STIM2: variants seen among roughly 807,000 people sequenced by gnomAD.
STIM2 encodes stromal interaction molecule 2.
Under a neutral mutation model 85.8 loss-of-function variants are expected in STIM2, and 31 were observed. The observed-to-expected ratio is 0.36, with a 90% CI of 0.27 to 0.49. STIM2 has a LOEUF of 0.49. Ranked by LOEUF, STIM2 falls within the 20% of genes least tolerant of loss-of-function variation. The pLI is 0.98. For missense variants in STIM2, 841 were observed against 927.6 expected (o/e 0.91, Z 1.21); for synonymous variants, 356 against 331.1 (o/e 1.08, Z -0.82).
intron 1 of STIM2, among the ~76,000 whole-genome samples, chr4:26,906,431 A>AGTTT (rs532059402): frequency 6.7e-6 from 1 of 149,436 alleles, no homozygotes; most frequent in Non-Finnish European, 1.5e-5. Context: ...CCAAAATACA[A>AGTTT]GTTTGTTTGT....
chr4:26,936,146 A>G (rs1725384312), intron 2 of STIM2, among the ~76,000 whole-genome samples: 1 of 152,226 alleles, frequency 6.6e-6, no homozygotes, highest in African/African-American at 2.4e-5. Context: ...ACAGATTTTA[A>G]GAAAACATCT....
chr4:26,919,359 A>T, intron 1 of STIM2, 145 bp from the exon 2 acceptor site: 1 of 995,982 alleles, frequency 1.0e-6, no homozygotes, highest in South Asian at 1.5e-5. Flanking sequence ...TTTGATGTGA[A>T]GAATATTCTG....
chr4:26,984,974 A>G (rs1214132680), intron 3 of STIM2, among the ~76,000 whole-genome samples: 1 of 152,324 alleles, frequency 6.6e-6, no homozygotes, highest in Non-Finnish European at 1.5e-5. Context: ...ACAATTACTA[A>G]TATCCGAACT....
chr4:26,931,680 C>T (rs745521761), intron 2 of STIM2, among the ~76,000 whole-genome samples: 41 of 152,096 alleles, frequency 2.7e-4, no homozygotes, highest in Non-Finnish European at 5.1e-4. Flanking sequence ...TCTGAAAGAA[C>T]AAGCAGGGCA....
chr4:26,870,248 T>C (rs1722563737), intron 1 of STIM2, among the ~76,000 whole-genome samples: 1 of 151,710 alleles, frequency 6.6e-6, no homozygotes, highest in Admixed American at 6.6e-5. Context: ...TGTCATATAC[T>C]GTAATTGACA....
chr4:26,919,527 C>A lies in STIM2; in HGVS notation c.175C>A (p.Pro59Thr). The A allele has an allele frequency of 6.2e-7, 1 of 1,613,472 alleles. No individual in the cohort carries two copies. Among genetic ancestry groups the A allele is most frequent in the Non-Finnish European group, 8.5e-7 (1 of 1,179,678 alleles). The change falls in exon 2 of 12, where the codon CCA becomes ACA. Residue 59 changes from proline (P) to threonine (T), a missense_variant. Around this residue, in one of 3 missense-constraint regions of STIM2, gnomAD observed 140 missense variants for 117.7 expected, o/e 1.19. Coordinates refer to ENST00000467087, the MANE Select transcript of STIM2 (RefSeq NM_020860.4). ...AGATCCCTGCATGTCACTGAGTCCA[C>A]CATGCTTTACAGAAGAAGACAGATT...
intron 5 of STIM2, among the ~76,000 whole-genome samples, chr4:26,999,987 A>G (rs747853257): frequency 3.9e-5 from 6 of 151,994 alleles, no homozygotes; most frequent in Non-Finnish European, 7.4e-5. Flanking sequence ...GTTTTATTTA[A>G]TTTCAATTTT....
At chr4:27,016,548 C>G (rs1485125200) in intron 10 of STIM2, among the ~76,000 whole-genome samples, 1 of 152,160 alleles carries the variant, frequency 6.6e-6, no homozygotes, top group Non-Finnish European at 1.5e-5. Flanking sequence ...AACTTGCACT[C>G]CAATCTAATA....
chr4:27,000,791 A>G (rs1728125672), intron 5 of STIM2, among the ~76,000 whole-genome samples: 1 of 148,164 alleles, frequency 6.7e-6, no homozygotes, highest in Non-Finnish European at 1.5e-5. Flanking sequence ...AGCATTGTCA[A>G]ATGAACAGAG....
At chr4:27,022,467 T>A (rs1347030945) in intron 11 of STIM2, 52 bp from the exon 12 acceptor site, 33 of 1,417,520 alleles carry the variant, frequency 2.3e-5, no homozygotes, top group Middle Eastern at 3.7e-4. Context: ...CTGCTAGTAC[T>A]CTTAAGAACA....
intron 3 of STIM2, among the ~76,000 whole-genome samples, chr4:26,970,616 T>C (rs1214020802): frequency 6.6e-6 from 1 of 152,218 alleles, no homozygotes; most frequent in Non-Finnish European, 1.5e-5. Flanking sequence ...GGTGTATATG[T>C]GCCACATTTT....
intron 4 of STIM2, among the ~76,000 whole-genome samples, chr4:26,996,001 A>C (rs905119392): frequency 2.0e-5 from 3 of 152,056 alleles, no homozygotes; most frequent in African/African-American, 7.2e-5. Context: ...ATCTCATTTA[A>C]CCCTCATGAT....
At chr4:26,946,098 A>G (rs550730503) in intron 2 of STIM2, among the ~76,000 whole-genome samples, 1 of 152,304 alleles carries the variant, frequency 6.6e-6, no homozygotes, top group African/African-American at 2.4e-5. Context: ...AGAACTGTGT[A>G]TGTTTATGGT....
chr4:27,013,717 A>G (rs1728639071), intron 10 of STIM2, among the ~76,000 whole-genome samples: 1 of 152,018 alleles, frequency 6.6e-6, no homozygotes, highest in Non-Finnish European at 1.5e-5. Context: ...TCAAAATTTA[A>G]ATTAAGTAAT....
In STIM2 at chr4:26,969,974, C is replaced by A. The variant is rs142140663; in HGVS notation, c.397+12248C>A. Among the ~76,000 whole-genome samples the A allele has an allele frequency of 3.2e-3, 483 of 150,642 alleles. 2 individuals are homozygous for A. Among genetic ancestry groups the A allele is most frequent in the African/African-American group, 0.011 (463 of 40,958 alleles). ...TATCTTCTCTTTTAGTACAAAGTTTCATTTTAAAATTTGAGCAGTTTGTCT... is the reference window on the plus strand; with the variant it reads ...TATCTTCTCTTTTAGTACAAAGTTTAATTTTAAAATTTGAGCAGTTTGTCT... On this transcript the variant is annotated intron_variant, in intron 3 of 11. Transcript: ENST00000467087.
At chr4:26,917,528 G>A (rs1005567366) in intron 1 of STIM2, among the ~76,000 whole-genome samples, 2 of 152,062 alleles carry the variant, frequency 1.3e-5, no homozygotes, top group South Asian at 2.1e-4. Flanking sequence ...ACTTGAGAGA[G>A]AGTATTTTAT....
Position 27,008,906 on chromosome 4 carries a change from G to T in STIM2, c.1393G>T (p.Val465Leu). The change falls in exon 10 of 12, where the codon GTG becomes TTG. Residue 465 changes from valine (V) to leucine (L), a missense_variant. Physicochemically the swap from Val to Leu is conservative, Grantham distance 32. Transcript: ENST00000467087. ...TTCCCTTTATTCTGATCACAGCTGG[G>T]TGGTGATGCCCAGAGTCTCCATTCC... The T allele has an allele frequency of 6.2e-7, 1 of 1,614,116 alleles. No individual in the cohort carries two copies. Among genetic ancestry groups the T allele is most frequent in the Non-Finnish European group, 8.5e-7 (1 of 1,180,016 alleles).
chr4:26,981,777 G>A (rs1303404300), intron 3 of STIM2, among the ~76,000 whole-genome samples: 1 of 152,134 alleles, frequency 6.6e-6, no homozygotes, highest in Non-Finnish European at 1.5e-5. Context: ...TTTTTACATT[G>A]TTAGACCCAG....
At chr4:26,987,044 T>C (rs1560230855) in intron 3 of STIM2, among the ~76,000 whole-genome samples, 1 of 152,220 alleles carries the variant, frequency 6.6e-6, no homozygotes, top group South Asian at 2.1e-4. Context: ...AGAGATTGCT[T>C]TCAGCTAGAG....
Sources: gnomAD v4.1 joint callset for allele counts (sites outside exome capture counted in the v4.1 genomes callset) on GRCh38, gnomAD v4.1.1 for gene constraint, gnomAD v4.1.1 regional missense constraint, MANE v1.5 for transcripts, NCBI Gene and HGNC (gene_info 2026-07-23, HGNC 2026-07-21) for gene names.